Variants in P2RY8 observed in about 807,000 individuals in gnomAD.
The protein encoded by P2RY8 is S-geranylgeranyl-glutathione receptor P2RY8.
Under a neutral mutation model 10.0 loss-of-function variants are expected in P2RY8, and 6 were observed. The ratio of observed to expected loss-of-function variants is 0.60; its 90% confidence interval spans 0.33 to 1.19. The LOEUF (loss-of-function observed/expected upper bound fraction) is 1.19. Ranked by LOEUF, P2RY8 falls within the 50% of genes most tolerant of loss-of-function variation. The pLI is 0.04. For missense variants in P2RY8, 456 were observed against 542.0 expected, an observed-to-expected ratio of 0.84 and a Z score of 1.58; for synonymous variants, 276 against 252.5, an observed-to-expected ratio of 1.09 and a Z score of -0.88.
At chrX:1,484,847 C>T (rs1260001830) in intron 1 of P2RY8, among the ~76,000 whole-genome samples, 3 of 151,092 alleles carry the variant, frequency 2.0e-5, no homozygotes, top group African/African-American at 4.8e-5. Context: ...CAAATTGACT[C>T]CAAAAATCAC....
chrX:1,516,888 T>C (rs1217294276), intron 1 of P2RY8, among the ~76,000 whole-genome samples: 14 of 150,688 alleles, frequency 9.3e-5, no homozygotes, highest in Non-Finnish European at 1.9e-4. Flanking sequence ...GATCTCAGAC[T>C]TCCAGCCTCC....
In P2RY8 at chrX:1,479,679, C is replaced by T. The variant is rs186504495; in HGVS notation, c.-24-13097G>A. On this transcript the variant is annotated intron_variant, in intron 1 of 1. Transcript: ENST00000381297. ...ATCAGTGCAATTGAAAACAGCAAGTCAATAGACAAAAATCAAAACCATAGG... is the reference window on the plus strand; with the variant it reads ...ATCAGTGCAATTGAAAACAGCAAGTTAATAGACAAAAATCAAAACCATAGG... 4.6e-5 allele frequency among the ~76,000 whole-genome samples: 7 copies of T among 152,124 alleles called. No individual in the cohort carries two copies. In the East Asian group the frequency reaches 1.3e-3, roughly 29 times the overall value.
chrX:1,473,914 G>T (rs1444466576), intron 1 of P2RY8, among the ~76,000 whole-genome samples: 1 of 151,618 alleles, frequency 6.6e-6, no homozygotes, highest in Non-Finnish European at 1.5e-5. Context: ...TGGATTGGTG[G>T]ATGTATAGAT....
At position 1,508,944 on chromosome X, in the gene P2RY8, C is replaced by A. The variant is rs372114949; in HGVS notation, c.-25+27977G>T. Among the ~76,000 whole-genome samples the A allele has an allele frequency of 6.5e-5, 8 of 122,686 alleles. No individual in the cohort carries two copies. The East Asian group carries it at 1.9e-3, about 29-fold the overall frequency. The allele number at this position is 122,686 out of a possible 152,430, so 80.5% of individuals were successfully genotyped here. On this transcript the variant is annotated intron_variant, in intron 1 of 1. Transcript: ENST00000381297. ...ATTGTATCTATCATGTATCTATTAT[C>A]TATCTATCCTGTATGTATCTATCCA...
chrX:1,516,297 CCT>C lies in P2RY8; in HGVS notation c.-25+20622_-25+20623del, dbSNP rs1260247392. ...TCCCTCCATTCCTCCCTTCTTCACC[CCT>C]CTCCCACAAATATAAGCACAGAGAA... On this transcript the variant is annotated intron_variant, in intron 1 of 1. Coordinates refer to ENST00000381297, the MANE Select transcript of P2RY8 (RefSeq NM_178129.5). Among the ~76,000 whole-genome samples, 280 of 105,620 alleles carry C rather than the reference CCT, an allele frequency of 2.7e-3. 1 individual carries two copies. Among genetic ancestry groups the C allele is most frequent in the Non-Finnish European group, 4.7e-3 (233 of 49,544 alleles). 69.3% of individuals were successfully genotyped at this position (105,620 alleles called of 152,430 possible).
At chrX:1,496,469 G>A (rs1231947008) in intron 1 of P2RY8, among the ~76,000 whole-genome samples, 1 of 152,066 alleles carries the variant, frequency 6.6e-6, no homozygotes, top group Non-Finnish European at 1.5e-5. Flanking sequence ...CTCTCAGAGG[G>A]TTTCTCTCTC....
intron 1 of P2RY8, among the ~76,000 whole-genome samples, chrX:1,508,491 CAT>C (rs1297089419): frequency 2.0e-5 from 3 of 152,110 alleles, no homozygotes; most frequent in African/African-American, 7.2e-5. Context: ...GTTATCCCCA[CAT>C]GAGAGACTCC....
intron 1 of P2RY8, among the ~76,000 whole-genome samples, chrX:1,487,400 C>T (rs1295800841): frequency 8.7e-5 from 13 of 149,038 alleles, no homozygotes; most frequent in African/African-American, 1.9e-4. Context: ...CCTAGGAAGA[C>T]GCGCTTATCA....
intron 1 of P2RY8, among the ~76,000 whole-genome samples, chrX:1,495,899 G>A (rs779632612): frequency 7.1e-6 from 1 of 140,476 alleles, no homozygotes; most frequent in South Asian, 2.2e-4. Flanking sequence ...AAGAAGAGGA[G>A]ATGAGGACAC....
At chrX:1,468,266 G>C (rs2091720339) in intron 1 of P2RY8, among the ~76,000 whole-genome samples, 2 of 152,208 alleles carry the variant, frequency 1.3e-5, no homozygotes, top group Admixed American at 6.5e-5. Flanking sequence ...TCTCCACGTA[G>C]GCAGCAGTGC....
At chrX:1,536,245 T>A (rs189741378) in intron 1 of P2RY8, among the ~76,000 whole-genome samples, 1 of 152,110 alleles carries the variant, frequency 6.6e-6, no homozygotes, top group Non-Finnish European at 1.5e-5. Context: ...AGAGGCGCAT[T>A]TCATGGAATG....
intron 1 of P2RY8, among the ~76,000 whole-genome samples, chrX:1,521,166 C>T (rs1287352009): frequency 1.3e-5 from 2 of 150,402 alleles, no homozygotes; most frequent in African/African-American, 2.5e-5. Flanking sequence ...TCCTGAGTAG[C>T]TGGGATTACA....
At chrX:1,477,874 T>C (rs1322087036) in intron 1 of P2RY8, among the ~76,000 whole-genome samples, 1 of 152,166 alleles carries the variant, frequency 6.6e-6, no homozygotes, top group Non-Finnish European at 1.5e-5. Context: ...CCCAGGCAGA[T>C]GTTCCTAGCA....
At chrX:1,507,893 C>T (rs1319802701) in intron 1 of P2RY8, among the ~76,000 whole-genome samples, 1 of 152,160 alleles carries the variant, frequency 6.6e-6, no homozygotes, top group Admixed American at 6.5e-5. Context: ...ACGCCTGAAT[C>T]AAGCCAGCCC....
At chrX:1,490,891 A>G (rs2092039825) in intron 1 of P2RY8, among the ~76,000 whole-genome samples, 1 of 146,496 alleles carries the variant, frequency 6.8e-6, no homozygotes, top group South Asian at 2.2e-4. Context: ...AATGAATGAT[A>G]CCCAGATATT....
At chrX:1,485,746 T>C (rs2091981066) in intron 1 of P2RY8, among the ~76,000 whole-genome samples, 1 of 148,610 alleles carries the variant, frequency 6.7e-6, no homozygotes, top group African/African-American at 2.4e-5. Context: ...ATACGATATA[T>C]TGTATAGTAT....
intron 1 of P2RY8, among the ~76,000 whole-genome samples, chrX:1,469,688 A>G (rs1156473223): frequency 2.6e-5 from 4 of 151,604 alleles, no homozygotes; most frequent in Non-Finnish European, 5.9e-5. Flanking sequence ...TCAGGAGATC[A>G]AGACCATCCT....
chrX:1,532,339 T>C (rs1245425958), intron 1 of P2RY8, among the ~76,000 whole-genome samples: 3 of 151,282 alleles, frequency 2.0e-5, no homozygotes, highest in Non-Finnish European at 2.9e-5. Flanking sequence ...TATACACATA[T>C]ATGTATATGA....
chrX:1,493,599 C>A (rs1278020557), intron 1 of P2RY8, among the ~76,000 whole-genome samples: 1 of 152,130 alleles, frequency 6.6e-6, no homozygotes, highest in Non-Finnish European at 1.5e-5. Context: ...CCCCACAAAA[C>A]AAAAGCAAAA....
Sources: allele counts gnomAD v4.1 joint callset (sites outside exome capture counted in the v4.1 genomes callset), GRCh38; gene constraint gnomAD v4.1.1; transcripts MANE v1.5; gene names NCBI Gene and HGNC (gene_info 2026-07-23, HGNC 2026-07-21).